Variants in ALS2 observed in about 807,000 individuals in gnomAD.
ALS2 encodes the protein alsin Rho guanine nucleotide exchange factor ALS2.
A neutral mutation model predicts 203.4 loss-of-function variants in ALS2; 117 were observed. The observed-to-expected ratio is 0.58, with a 90% CI of 0.50 to 0.67. The LOEUF (loss-of-function observed/expected upper bound fraction) is 0.67, where lower values mean the gene tolerates loss of function less well. ALS2 is among the 30% of genes least tolerant of loss of function. The pLI is 0.00. For synonymous variants in ALS2, 718 were observed against 725.9 expected (o/e 0.99, Z 0.17); for missense variants, 1,715 against 1,989.4 (o/e 0.86, Z 2.62).
rs1464418852 is a variant in ALS2 at position 201,765,945 on chromosome 2, A to G, written c.175+1284T>C. 3 of 165,224 alleles carry G rather than the reference A, an allele frequency of 1.8e-5. No homozygotes were observed. In the East Asian group the frequency reaches 5.8e-4, roughly 32 times the overall value. 10.2% of individuals were successfully genotyped at this position (165,224 alleles called of 1,614,324 possible). A position where few individuals can be genotyped will look rare whatever the true frequency, so the allele number is the denominator to read the frequency against. Reference sequence around the variant, plus strand: ...TTCAATAGCTGTGTGTGCTTGGGAAAATTTAATCTCCCTGACTTTCAGTTT... The same window carrying G: ...TTCAATAGCTGTGTGTGCTTGGGAAGATTTAATCTCCCTGACTTTCAGTTT... On this transcript the variant is annotated intron_variant, in intron 3 of 33. Transcript: ENST00000264276.
chr2:201,748,527 G>A (rs1692820004), intron 8 of ALS2, among the ~76,000 whole-genome samples: 1 of 152,104 alleles, frequency 6.6e-6, no homozygotes, highest in Non-Finnish European at 1.5e-5. Context: ...TCTCTTGTTT[G>A]CTCTAAAATG....
intron 23 of ALS2, among the ~76,000 whole-genome samples, chr2:201,721,011 C>A (rs1020669785): frequency 6.6e-6 from 1 of 151,876 alleles, no homozygotes; most frequent in Non-Finnish European, 1.5e-5. Flanking sequence ...GAAACAAGAA[C>A]AAAATACAAA....
rs769268310 is a variant in ALS2 at position 201,760,946 on chromosome 2, G to A, written c.1048C>T (p.Arg350Trp). The change falls in exon 4 of 34, where the codon CGG becomes TGG. Residue 350 changes from arginine to tryptophan, a missense_variant. Physicochemically the swap from Arg to Trp is moderately radical, Grantham distance 101. Coordinates refer to ENST00000264276, the MANE Select transcript of ALS2 (RefSeq NM_020919.4). ...PDTQAVNEYLRKLSDHSVRED... is the reference protein window; with the variant it reads ...PDTQAVNEYLWKLSDHSVRED... Reference sequence around the variant, plus strand: ...CTTACTGAATGATCTGACAGTTTCCGTAGGTATTCATTGACTGCTTGGGTG... The same window carrying A: ...CTTACTGAATGATCTGACAGTTTCCATAGGTATTCATTGACTGCTTGGGTG... The A allele has an allele frequency of 1.5e-5, 24 of 1,614,026 alleles. No individual in the cohort carries two copies. Among genetic ancestry groups the A allele is most frequent in the African/African-American group, 4.0e-5 (3 of 74,902 alleles).
chr2:201,718,117 G>A lies in ALS2; in HGVS notation c.3796C>T (p.Pro1266Ser), dbSNP rs1290581522. ...TCTTTATCACTCTCATATAGACTAG[G>A]TTTGAAGTAGGTTCCAGTGATTTTT... ...GIKITGTYFKPSLYESDKDRP... is the reference protein window; with the variant it reads ...GIKITGTYFKSSLYESDKDRP... The change falls in exon 24 of 34, where the codon CCT becomes TCT. Residue 1266 changes from proline (P) to serine (S), a missense_variant. Pro to Ser is a moderately conservative substitution (Grantham distance 74, BLOSUM62 -1). Transcript: ENST00000264276. 3 of 1,613,528 alleles carry A rather than the reference G, an allele frequency of 1.9e-6. No individual in the cohort carries two copies. Among genetic ancestry groups the A allele is most frequent in the Non-Finnish European group, 2.5e-6 (3 of 1,179,670 alleles).
rs575653022 is a variant in ALS2, at chr2:201,763,213, G to A, written c.176-1395C>T. ...TGCACAGAGGCTACTGGGGGAACAA[G>A]ATCAGCAAGCACCACGCAGTCCCTT... On this transcript the variant is annotated intron_variant, in intron 3 of 33. Coordinates refer to ENST00000264276, the MANE Select transcript of ALS2 (RefSeq NM_020919.4). The A allele has an allele frequency of 4.1e-5, 8 of 197,188 alleles. No homozygotes were observed. In the South Asian group the frequency reaches 7.7e-4, roughly 19 times the overall value. 12.2% of individuals were successfully genotyped at this position (197,188 alleles called of 1,614,324 possible).
At position 201,707,766 on chromosome 2, in the gene ALS2, G is replaced by A. The variant is rs551881140; in HGVS notation, c.4403+103C>T. 9.3e-5 allele frequency: 137 copies of A among 1,468,872 alleles called. No individual in the cohort carries two copies. The South Asian group carries it at 1.1e-3, about 12-fold the overall frequency. 91.0% of individuals were successfully genotyped at this position (1,468,872 alleles called of 1,614,324 possible). A position where few individuals can be genotyped will look rare whatever the true frequency, so the allele number is the denominator to read the frequency against. ...GCCCCAACCATATCATTTTAGAAAT[G>A]AGGAAATAGATCTAGAGAACACACT... On this transcript the variant is annotated intron_variant, in intron 28 of 33. Coordinates refer to ENST00000264276, the MANE Select transcript of ALS2 (RefSeq NM_020919.4).
intron 1 of ALS2, among the ~76,000 whole-genome samples, chr2:201,775,129 G>T (rs1033157479): frequency 1.3e-5 from 2 of 152,188 alleles, no homozygotes; most frequent in South Asian, 2.1e-4. Context: ...AAGACATTCA[G>T]ATAGAAAGGC....
chr2:201,769,015 A>G, intron 1 of ALS2, 70 bp from the exon 2 acceptor site: 1 of 720,324 alleles, frequency 1.4e-6, no homozygotes. Flanking sequence ...AAAAAAAAAA[A>G]GCAGCCCTCT....
Position 201,738,599 on chromosome 2 carries a change from C to A in ALS2, c.2417+71G>T, listed in dbSNP as rs576619609. ...GAAGTCAAAGCTTTCCCTGAGCACT[C>A]GAAAACAGAGCACTATAAAATGTCA... On this transcript the variant is annotated intron_variant, in intron 12 of 33. Transcript: ENST00000264276. 7 of 1,459,816 alleles carry A rather than the reference C, an allele frequency of 4.8e-6. No individual in the cohort carries two copies. The African/African-American group carries it at 5.6e-5, about 12-fold the overall frequency. 90.4% of individuals were successfully genotyped at this position (1,459,816 alleles called of 1,614,324 possible). A position where few individuals can be genotyped will look rare whatever the true frequency, so the allele number is the denominator to read the frequency against.
At chr2:201,752,655 G>C (rs765832799) in intron 7 of ALS2, among the ~76,000 whole-genome samples, 1 of 152,092 alleles carries the variant, frequency 6.6e-6, no homozygotes, top group African/African-American at 2.4e-5. Flanking sequence ...ACTTATTGCA[G>C]ATGAGCAGTC....
chr2:201,750,410 A>C lies in ALS2; in HGVS notation c.1738-621T>G, dbSNP rs371948035. On this transcript the variant is annotated intron_variant, in intron 7 of 33. Coordinates refer to ENST00000264276, the MANE Select transcript of ALS2 (RefSeq NM_020919.4). ...TATGTAAGAGGCAGGATTTAATCCC[A>C]GGAATTATCGTATACTGCCTCTTTT... Among the ~76,000 whole-genome samples, 231 of 152,354 alleles carry C rather than the reference A, an allele frequency of 1.5e-3. 2 individuals carry two copies. The highest frequency in any genetic ancestry group is 5.5e-3 in the African/African-American group (227 of 41,576).
intron 4 of ALS2, chr2:201,760,184 G>A: frequency 3.7e-6 from 2 of 543,994 alleles, no homozygotes; most frequent in Non-Finnish European, 4.7e-6. Context: ...GTGGTGGCAT[G>A]TGTATAGTCC....
At chr2:201,728,394 C>CT (rs999463660) in intron 15 of ALS2, 118 bp downstream of exon 15, 1 of 1,426,772 alleles carries the variant, frequency 7.0e-7, no homozygotes, top group Non-Finnish European at 9.9e-7. Context: ...TGGCTAGCCT[C>CT]TTTTAGTCAA....
chr2:201,775,768 G>A (rs917869258), intron 1 of ALS2, among the ~76,000 whole-genome samples: 1 of 152,150 alleles, frequency 6.6e-6, no homozygotes, highest in African/African-American at 2.4e-5. Context: ...TTGACTCAGA[G>A]TAAGAGAATT....
chr2:201,735,961 AT>A (rs1165860118), intron 12 of ALS2, among the ~76,000 whole-genome samples: 1 of 152,136 alleles, frequency 6.6e-6, no homozygotes, highest in Non-Finnish European at 1.5e-5. Context: ...CCATTTAATT[AT>A]TGGTTTGGCT....
At position 201,726,854 on chromosome 2, in the gene ALS2, G is replaced by A. The variant is rs121908137; in HGVS notation, c.2992C>T (p.Arg998Ter). 6.2e-7 allele frequency: 1 copy of A among 1,613,148 alleles called. No homozygotes were observed. Among genetic ancestry groups the A allele is most frequent in the African/African-American group, 1.3e-5 (1 of 74,900 alleles). The part of the protein sequence containing the change: ...STPQEKTKWL[R>*]AISQAVDQAL... Reference sequence around the variant, plus strand: ...TGATCTACGGCTTGGCTTATAGCTCGTAGCCACTTTGTCTAGGAGCAAAAA... The same window carrying A: ...TGATCTACGGCTTGGCTTATAGCTCATAGCCACTTTGTCTAGGAGCAAAAA... The change falls in exon 18 of 34, where the codon CGA becomes TGA. Residue 998 changes from arginine (R) to a stop codon, truncating the protein, a stop_gained. Transcript: ENST00000264276. LOFTEE classifies it high-confidence loss of function.
At chr2:201,760,634 T>C in intron 4 of ALS2, 1 of 1,300,770 alleles carries the variant, frequency 7.7e-7, no homozygotes, top group Non-Finnish European at 9.7e-7. Flanking sequence ...AATGAAATGC[T>C]CCTACTTATA....
At chr2:201,709,626 C>G (rs1689917543) in intron 27 of ALS2, among the ~76,000 whole-genome samples, 1 of 152,092 alleles carries the variant, frequency 6.6e-6, no homozygotes, top group East Asian at 1.9e-4. Context: ...TACTTCATAC[C>G]AAAATTAGAT....
intron 4 of ALS2, chr2:201,760,559 A>T (rs1409838904): frequency 4.6e-6 from 5 of 1,093,574 alleles, no homozygotes; most frequent in Non-Finnish European, 4.4e-6. Context: ...GTTATATTAA[A>T]CTATTCAGGG....
Sources: gnomAD v4.1 joint callset for allele counts (sites outside exome capture counted in the v4.1 genomes callset) on GRCh38, gnomAD v4.1.1 for gene constraint, MANE v1.5 for transcripts, NCBI Gene and HGNC (gene_info 2026-07-23, HGNC 2026-07-21) for gene names.